SYNE2: variants seen among roughly 807,000 people sequenced by gnomAD.
SYNE2 encodes nesprin-2.
A neutral mutation model predicts 856.3 loss-of-function variants in SYNE2; 431 were observed. The observed-to-expected ratio is 0.50, with a 90% CI of 0.47 to 0.55. The LOEUF (loss-of-function observed/expected upper bound fraction) is 0.55, where lower values mean the gene tolerates loss of function less well. Among genes scored for constraint, SYNE2 ranks in the 20% least tolerant of loss-of-function variants. The pLI, the probability that SYNE2 is intolerant of heterozygous loss-of-function variation, is 0.00. For missense variants in SYNE2, 8,129 were observed against 8,023.2 expected, an observed-to-expected ratio of 1.01 and a Z score of -0.50; for synonymous variants, 2,923 against 2,872.3, an observed-to-expected ratio of 1.02 and a Z score of -0.56.
intron 65 of SYNE2, among the ~76,000 whole-genome samples, chr14:64,110,590 C>G (rs1299730655): frequency 5.9e-5 from 1 of 16,910 alleles, no homozygotes; most frequent in Non-Finnish European, 1.7e-4. Context: ...CTTTTTACAC[C>G]CCCCCCCCCC....
chr14:64,211,163 G>A (rs1256481391), intron 103 of SYNE2, among the ~76,000 whole-genome samples: 1 of 152,036 alleles, frequency 6.6e-6, no homozygotes, highest in Non-Finnish European at 1.5e-5. Context: ...AATTTTTGTG[G>A]AAATGGGGTC....
At chr14:64,212,168 A>C (rs1030614075) in intron 104 of SYNE2, 70 bp downstream of exon 104, 26 of 1,608,208 alleles carry the variant, frequency 1.6e-5, no homozygotes, top group Non-Finnish European at 2.0e-5. Context: ...GGCCAAGTGC[A>C]AATTTCACAC....
rs570534547 is a variant in SYNE2 at position 64,096,847 on chromosome 14, G to A, written c.12109-1102G>A. ...AAAATTATTGCTTCTATGACTATCT[G>A]TAGGATGGGTGGATGGATGAACTGA... is the stretch of plus-strand genomic sequence containing the variant. On this transcript the variant is annotated intron_variant, in intron 61 of 115. Transcript: ENST00000555002. 4.7e-4 allele frequency among the ~76,000 whole-genome samples: 72 copies of A among 152,308 alleles called. 1 individual carries two copies. The highest frequency in any genetic ancestry group is 1.3e-3 in the African/African-American group (56 of 41,556).
At chr14:64,062,992 A>G (rs1046142528) in intron 50 of SYNE2, 97 bp downstream of exon 50, 6 of 1,389,594 alleles carry the variant, frequency 4.3e-6, no homozygotes, top group Non-Finnish European at 6.1e-6. Context: ...TAAGACGCGT[A>G]GAAATCTTCA....
At chr14:64,205,642 G>A (rs919562475) in intron 100 of SYNE2, among the ~76,000 whole-genome samples, 2 of 152,314 alleles carry the variant, frequency 1.3e-5, no homozygotes, top group South Asian at 2.1e-4. Context: ...CCCTATAGGA[G>A]TCCTTTCTGT....
intron 52 of SYNE2, among the ~76,000 whole-genome samples, chr14:64,072,690 G>A (rs904711602): frequency 4.6e-5 from 7 of 152,116 alleles, no homozygotes; most frequent in African/African-American, 1.4e-4. Flanking sequence ...TAGTAGAGGA[G>A]GGGTTTCACC....
At chr14:64,219,692 C>T (rs569558883) in intron 110 of SYNE2, among the ~76,000 whole-genome samples, 2 of 152,306 alleles carry the variant, frequency 1.3e-5, no homozygotes, top group Middle Eastern at 3.4e-3. Flanking sequence ...CGAGGCATTT[C>T]TAGACTTTTC....
At chr14:64,137,713 A>T in intron 78 of SYNE2, 74 bp from the exon 79 acceptor site, 1 of 1,484,060 alleles carries the variant, frequency 6.7e-7, no homozygotes, top group South Asian at 1.2e-5. Flanking sequence ...GTCAGTTTTA[A>T]ATGCAGTATT....
chr14:64,072,061 T>A (rs1037675943), intron 52 of SYNE2, among the ~76,000 whole-genome samples: 3 of 152,200 alleles, frequency 2.0e-5, no homozygotes, highest in Non-Finnish European at 2.9e-5. Flanking sequence ...CATGAAGATA[T>A]GCCATAATGT....
intron 46 of SYNE2, among the ~76,000 whole-genome samples, 165 bp from the exon 47 acceptor site, chr14:64,049,446 A>C (rs1039812622): frequency 6.7e-6 from 1 of 148,952 alleles, no homozygotes; most frequent in Non-Finnish European, 1.5e-5. Flanking sequence ...AATAATAATA[A>C]TAATAATAAT....
At chr14:64,157,647 G>A (rs1053211204) in intron 85 of SYNE2, among the ~76,000 whole-genome samples, 2 of 152,068 alleles carry the variant, frequency 1.3e-5, no homozygotes, top group Non-Finnish European at 2.9e-5. Flanking sequence ...ATTTTTTGAG[G>A]AACTATCTAG....
At chr14:64,075,900 T>C in intron 53 of SYNE2, 45 bp from the exon 54 acceptor site, 1 of 1,609,286 alleles carries the variant, frequency 6.2e-7, no homozygotes, top group East Asian at 2.2e-5. Context: ...GAATTAAACT[T>C]TTCCCCCAGT....
At chr14:64,110,514 A>G (rs1452235692) in intron 65 of SYNE2, among the ~76,000 whole-genome samples, 4 of 149,310 alleles carry the variant, frequency 2.7e-5, no homozygotes, top group African/African-American at 9.9e-5. Flanking sequence ...AAGGCTAGCT[A>G]TTATTAATTT....
chr14:63,912,670 A>G (rs2095486579), intron 2 of SYNE2, among the ~76,000 whole-genome samples: 1 of 152,210 alleles, frequency 6.6e-6, no homozygotes, highest in East Asian at 1.9e-4. Flanking sequence ...AAGGTGAGAC[A>G]ATTGTGGCAA....
intron 11 of SYNE2, among the ~76,000 whole-genome samples, chr14:63,974,836 G>A (rs1197115338): frequency 6.7e-5 from 2 of 29,926 alleles, no homozygotes; most frequent in Non-Finnish European, 1.1e-4. Flanking sequence ...GTATATAGAC[G>A]TGTGTGTGTG....
chr14:64,186,528 G>GA lies in SYNE2; in HGVS notation c.17663dup (p.Glu5889GlyfsTer21). 2 of 1,614,230 alleles carry GA rather than the reference G, an allele frequency of 1.2e-6. No homozygotes were observed. Among genetic ancestry groups the GA allele is most frequent in the Non-Finnish European group, 1.7e-6 (2 of 1,180,040 alleles). On this transcript the variant is annotated frameshift_variant, in exon 97 of 116. Transcript: ENST00000555002. LOFTEE classifies it high-confidence loss of function. ...TTCTCGTGGAAGATGTGATGGTTTT[G>GA]AAGGAGCAAATAGAGCATTTGCACA...
chr14:64,204,606 C>T (rs2098596443), intron 100 of SYNE2, among the ~76,000 whole-genome samples: 1 of 152,058 alleles, frequency 6.6e-6, no homozygotes, highest in African/African-American at 2.4e-5. Flanking sequence ...TACAATGGCA[C>T]ATAATTTCAA....
chr14:63,990,683 T>C (rs2096659818), intron 20 of SYNE2, 114 bp downstream of exon 20: 2 of 976,530 alleles, frequency 2.0e-6, no homozygotes, highest in Admixed American at 2.2e-5. Flanking sequence ...TTGTAAAATA[T>C]TACTTTTGCA....
intron 2 of SYNE2, among the ~76,000 whole-genome samples, chr14:63,919,942 CAG>C (rs1464721116): frequency 2.8e-5 from 4 of 142,296 alleles, no homozygotes; most frequent in African/African-American, 1.1e-4. Context: ...TGCTGTAAAA[CAG>C]AGATATCAGG....
Sources: allele counts gnomAD v4.1 joint callset (sites outside exome capture counted in the v4.1 genomes callset), GRCh38; gene constraint gnomAD v4.1.1; transcripts MANE v1.5; gene names NCBI Gene and HGNC (gene_info 2026-07-23, HGNC 2026-07-21).